GPHN: variants seen among roughly 807,000 people sequenced by gnomAD.
GPHN encodes the protein gephyrin.
Under a neutral mutation model 95.5 loss-of-function variants are expected in GPHN, and 17 were observed. That is an observed-to-expected ratio of 0.18 (90% CI 0.12 to 0.27). GPHN has a LOEUF of 0.27. Ranked by LOEUF, GPHN falls within the 10% of genes least tolerant of loss-of-function variation. The probability of loss-of-function intolerance (pLI) is 1.00; values close to 1 mark genes in which losing one functional copy is unlikely to be tolerated. For missense variants in GPHN, 660 were observed against 978.1 expected (o/e 0.67, Z 4.34); for synonymous variants, 320 against 322.5 (o/e 0.99, Z 0.08).
chr14:67,246,692 C>CT, the GPHN span, among the ~76,000 whole-genome samples: 1 of 144,592 alleles, frequency 6.9e-6, no homozygotes. Flanking sequence ...TGCTCTCTCG[C>CT]CAGGCTGGAG....
At chr14:67,204,599 T>C in the GPHN span, 1 of 1,613,680 alleles carries the variant, frequency 6.2e-7, no homozygotes, top group South Asian at 1.1e-5. Flanking sequence ...AGCCTGAAAG[T>C]AAAGCTGGTG....
At chr14:67,296,585 CAAAAAAAAA>C in the GPHN span, among the ~76,000 whole-genome samples, 7 of 51,000 alleles carry the variant, frequency 1.4e-4, no homozygotes, top group Non-Finnish European at 2.6e-4. Flanking sequence ...AACTCTGTCT[CAAAAAAAAA>C]AAAAAAAAAA....
chr14:66,788,722 C>T (rs905907726), intron 3 of GPHN, among the ~76,000 whole-genome samples: 2 of 152,072 alleles, frequency 1.3e-5, no homozygotes, highest in African/African-American at 4.8e-5. Flanking sequence ...AATGGTACAA[C>T]GTCAGCTCAC....
chr14:66,584,727 C>A (rs142880449), intron 1 of GPHN, among the ~76,000 whole-genome samples: 185 of 152,156 alleles, frequency 1.2e-3, no homozygotes, highest in East Asian at 2.1e-3. Context: ...CTTGCATCCC[C>A]GGGATGAAGC....
At chr14:67,044,320 G>A (rs2074876101) in intron 10 of GPHN, among the ~76,000 whole-genome samples, 1 of 152,036 alleles carries the variant, frequency 6.6e-6, no homozygotes, top group Admixed American at 6.6e-5. Flanking sequence ...CTGGGTGACA[G>A]AGACAAGACT....
chr14:66,740,246 T>C (rs2072679960), intron 2 of GPHN, among the ~76,000 whole-genome samples: 1 of 152,082 alleles, frequency 6.6e-6, no homozygotes, highest in African/African-American at 2.4e-5. Context: ...AGGAAAAACA[T>C]TATGTGCAAC....
At chr14:67,324,867 G>C in the GPHN span, among the ~76,000 whole-genome samples, 3 of 149,266 alleles carry the variant, frequency 2.0e-5, no homozygotes, top group Non-Finnish European at 4.4e-5. Flanking sequence ...TGGATTGCAG[G>C]TGTAAGCTAC....
At chr14:67,531,441 G>C in the GPHN span, among the ~76,000 whole-genome samples, 1 of 152,076 alleles carries the variant, frequency 6.6e-6, no homozygotes, top group Non-Finnish European at 1.5e-5. Context: ...CCTGCTCAGA[G>C]TTGGGCAATG....
At chr14:67,502,945 G>T in the GPHN span, among the ~76,000 whole-genome samples, 1 of 152,090 alleles carries the variant, frequency 6.6e-6, no homozygotes, top group Non-Finnish European at 1.5e-5. Context: ...AGACAATATG[G>T]TAAGCAAAAC....
chr14:66,657,180 T>G (rs1014187288), intron 1 of GPHN, among the ~76,000 whole-genome samples: 1 of 152,188 alleles, frequency 6.6e-6, no homozygotes, highest in Admixed American at 6.5e-5. Flanking sequence ...AGCCACAAAA[T>G]TTTCTTCAGC....
intron 3 of GPHN, among the ~76,000 whole-genome samples, chr14:66,777,036 G>A (rs904935003): frequency 6.6e-6 from 1 of 151,348 alleles, no homozygotes; most frequent in Non-Finnish European, 1.5e-5. Context: ...TCCCGAGCTG[G>A]TTTTTTGAAA....
At chr14:67,100,730 A>G in intron 12 of GPHN, 126 bp from the exon 13 acceptor site, 1 of 721,234 alleles carries the variant, frequency 1.4e-6, no homozygotes, top group South Asian at 1.5e-5. Flanking sequence ...GAGATCAGAA[A>G]AATATTCCAC....
chr14:67,729,094 G>T, the GPHN span: 2 of 1,247,312 alleles, frequency 1.6e-6, no homozygotes, highest in East Asian at 2.3e-5. Context: ...TGTTTCCTGA[G>T]TCCCTCCTTC....
At chr14:67,043,235 C>A (rs897564871) in intron 10 of GPHN, among the ~76,000 whole-genome samples, 1 of 152,102 alleles carries the variant, frequency 6.6e-6, no homozygotes, top group African/African-American at 2.4e-5. Context: ...TTTCTCTTGC[C>A]TGATTGCCCT....
chr14:67,138,833 G>A (rs2080261151), intron 17 of GPHN, among the ~76,000 whole-genome samples: 2 of 142,580 alleles, frequency 1.4e-5, no homozygotes, highest in African/African-American at 5.3e-5. Flanking sequence ...CACACATGCA[G>A]TTTTCTGCTG....
intron 1 of GPHN, among the ~76,000 whole-genome samples, chr14:66,627,727 T>C (rs2063576583): frequency 6.6e-6 from 1 of 152,132 alleles, no homozygotes; most frequent in Admixed American, 6.6e-5. Context: ...ACTGATAATC[T>C]GATGTACGTA....
At chr14:67,246,242 A>G in the GPHN span, among the ~76,000 whole-genome samples, 1 of 151,920 alleles carries the variant, frequency 6.6e-6, no homozygotes, top group African/African-American at 2.4e-5. Context: ...CCCAGGTTCA[A>G]GCAATCCTCC....
At chr14:67,349,273 G>C in the GPHN span, among the ~76,000 whole-genome samples, 1 of 152,214 alleles carries the variant, frequency 6.6e-6, no homozygotes, top group Non-Finnish European at 1.5e-5. Context: ...TACTGCTAGA[G>C]GAGGGCCTCT....
At chr14:67,303,712 A>T in the GPHN span, 1 of 710,600 alleles carries the variant, frequency 1.4e-6, no homozygotes, top group Middle Eastern at 3.8e-4. Context: ...AAATTCAATC[A>T]TTTTTATTTA....
Sources: allele counts gnomAD v4.1 joint callset (sites outside exome capture counted in the v4.1 genomes callset), GRCh38; gene constraint gnomAD v4.1.1; transcripts MANE v1.5; gene names NCBI Gene and HGNC (gene_info 2026-07-23, HGNC 2026-07-21).